The following EPM2A variants were observed in gnomAD, a reference collection of about 807,000 sequenced individuals.
EPM2A encodes the protein laforin.
EPM2A carries 21 observed loss-of-function variants against 26.5 expected under a neutral mutation model. The observed-to-expected ratio is 0.79, with a 90% CI of 0.56 to 1.14. EPM2A has a LOEUF of 1.14. Among genes scored for constraint, EPM2A ranks in the 50% most tolerant of loss-of-function variants. The pLI, the probability that EPM2A is intolerant of heterozygous loss-of-function variation, is 0.00. For synonymous variants in EPM2A, 217 were observed against 177.6 expected, an observed-to-expected ratio of 1.22 and a Z score of -1.76; for missense variants, 458 against 440.8, an observed-to-expected ratio of 1.04 and a Z score of -0.35.
intron 1 of EPM2A, among the ~76,000 whole-genome samples, chr6:145,716,321 T>TA (rs1775619456): frequency 6.6e-6 from 1 of 152,150 alleles, no homozygotes; most frequent in African/African-American, 2.4e-5. Flanking sequence ...CAAGCTGTTA[T>TA]AAAAAATATG....
At chr6:145,714,035 C>T (rs1469080013) in intron 1 of EPM2A, among the ~76,000 whole-genome samples, 1 of 152,144 alleles carries the variant, frequency 6.6e-6, no homozygotes. Flanking sequence ...CAGGCAAAGC[C>T]CTAGAGACAG....
chr6:145,438,055 T>C (rs1005566783), intron 4 of EPM2A, among the ~76,000 whole-genome samples: 21 of 152,252 alleles, frequency 1.4e-4, no homozygotes, highest in Admixed American at 6.5e-5. Context: ...AGATACATTG[T>C]TAACTCTTAC....
At chr6:145,437,266 C>A (rs150232580) in intron 4 of EPM2A, among the ~76,000 whole-genome samples, 3 of 151,996 alleles carry the variant, frequency 2.0e-5, no homozygotes, top group African/African-American at 7.2e-5. Context: ...ACTTCCCCTT[C>A]GCCTTCTCCC....
chr6:145,702,700 T>A (rs963064195), intron 1 of EPM2A, among the ~76,000 whole-genome samples: 1 of 152,190 alleles, frequency 6.6e-6, no homozygotes, highest in African/African-American at 2.4e-5. Context: ...ACTCAAATTA[T>A]TTTAACAATA....
At chr6:145,586,251 A>G (rs1781194711) in intron 2 of EPM2A, among the ~76,000 whole-genome samples, 1 of 152,092 alleles carries the variant, frequency 6.6e-6, no homozygotes, top group South Asian at 2.1e-4. Context: ...ACTTTTCCAT[A>G]TATTTTGTCT....
intron 2 of EPM2A, among the ~76,000 whole-genome samples, chr6:145,581,293 T>G (rs1159304222): frequency 1.3e-5 from 2 of 152,182 alleles, no homozygotes; most frequent in Non-Finnish European, 2.9e-5. Flanking sequence ...GCTGCGTGTA[T>G]GTGTTCTTTG....
At chr6:145,440,424 A>C (rs1779047041) in intron 4 of EPM2A, among the ~76,000 whole-genome samples, 1 of 152,136 alleles carries the variant, frequency 6.6e-6, no homozygotes, top group Non-Finnish European at 1.5e-5. Context: ...AAACCATATA[A>C]TTGCACCCTG....
chr6:145,659,811 G>T (rs917433286), intron 2 of EPM2A, among the ~76,000 whole-genome samples: 1 of 152,178 alleles, frequency 6.6e-6, no homozygotes. Flanking sequence ...CCAGCCAATC[G>T]CAGGCACCCA....
chr6:145,708,898 A>C (rs1356708504), intron 1 of EPM2A, among the ~76,000 whole-genome samples: 3 of 152,170 alleles, frequency 2.0e-5, no homozygotes, highest in Non-Finnish European at 4.4e-5. Context: ...GGGGCTGGAC[A>C]CTGCAAAGTC....
intron 2 of EPM2A, among the ~76,000 whole-genome samples, chr6:145,504,271 G>A (rs1340069150): frequency 8.9e-6 from 1 of 112,026 alleles, no homozygotes; most frequent in African/African-American, 3.2e-5. Flanking sequence ...AAGAGCTTCT[G>A]CATAGCAAAA....
intron 2 of EPM2A, among the ~76,000 whole-genome samples, chr6:145,543,716 C>T: frequency 6.6e-6 from 1 of 152,124 alleles, no homozygotes; most frequent in East Asian, 1.9e-4. Flanking sequence ...AAGACATTGA[C>T]TGTATTGATT....
At chr6:145,581,402 G>C (rs1582872942) in intron 2 of EPM2A, among the ~76,000 whole-genome samples, 1 of 152,074 alleles carries the variant, frequency 6.6e-6, no homozygotes, top group East Asian at 1.9e-4. Flanking sequence ...TAAGACCTTT[G>C]ACAGATACAT....
At chr6:145,561,130 T>C (rs561021335) in intron 2 of EPM2A, among the ~76,000 whole-genome samples, 7 of 150,720 alleles carry the variant, frequency 4.6e-5, no homozygotes, top group African/African-American at 1.7e-4. Context: ...TATACAGCTA[T>C]AACCATTTTT....
At chr6:145,538,276 C>A (rs900346019) in intron 2 of EPM2A, among the ~76,000 whole-genome samples, 2 of 151,212 alleles carry the variant, frequency 1.3e-5, no homozygotes, top group African/African-American at 4.9e-5. Context: ...TTTTTACATG[C>A]TTTGAGTTCA....
chr6:145,480,296 C>T (rs1779597567), intron 4 of EPM2A, among the ~76,000 whole-genome samples: 1 of 151,884 alleles, frequency 6.6e-6, no homozygotes, highest in Non-Finnish European at 1.5e-5. Context: ...TCTTACATGG[C>T]CAGAGCAGGA....
At chr6:145,689,318 G>A (rs1372365000) in intron 1 of EPM2A, among the ~76,000 whole-genome samples, 1 of 152,020 alleles carries the variant, frequency 6.6e-6, no homozygotes, top group African/African-American at 2.4e-5. Flanking sequence ...AATAATTTTG[G>A]TTTTGGAGAT....
chr6:145,590,450 AAG>A (rs113059509), intron 2 of EPM2A, among the ~76,000 whole-genome samples: 11,760 of 139,356 alleles, frequency 0.084, 473 homozygotes, highest in South Asian at 0.14. Flanking sequence ...AATAAAAAAA[AAG>A]AAAATTGTGC....
At chr6:145,670,986 C>T in intron 2 of EPM2A, 1 of 983,668 alleles carries the variant, frequency 1.0e-6, no homozygotes. Flanking sequence ...TAATCTTGGT[C>T]TTAAGATTTA....
chr6:145,458,244 T>C (rs961723340), intron 4 of EPM2A, among the ~76,000 whole-genome samples: 2 of 152,218 alleles, frequency 1.3e-5, no homozygotes, highest in Admixed American at 1.3e-4. Flanking sequence ...GTTCTCCCCA[T>C]GCAATGATAA....
Sources: allele counts gnomAD v4.1 joint callset (sites outside exome capture counted in the v4.1 genomes callset), GRCh38; gene constraint gnomAD v4.1.1; transcripts MANE v1.5; gene names NCBI Gene and HGNC (gene_info 2026-07-23, HGNC 2026-07-21).